Variants in MTHFD1L observed in about 807,000 individuals in gnomAD.
The protein encoded by MTHFD1L is methylenetetrahydrofolate dehydrogenase (NADP+ dependent) 1 like.
MTHFD1L carries 81 observed loss-of-function variants against 119.5 expected under a neutral mutation model. The ratio of observed to expected loss-of-function variants is 0.68; its 90% CI spans 0.57 to 0.82. The LOEUF is 0.82. Among genes scored for constraint, MTHFD1L ranks in the 40% least tolerant of loss-of-function variants. The probability of loss-of-function intolerance (pLI) is 0.00; values close to 1 mark genes in which losing one functional copy is unlikely to be tolerated. For synonymous variants in MTHFD1L, 430 were observed against 475.2 expected (o/e 0.90, Z 1.24); for missense variants, 1,125 against 1,253.4 (o/e 0.90, Z 1.55).
At chr6:151,032,609 G>C (rs1019290926) in intron 24 of MTHFD1L, among the ~76,000 whole-genome samples, 1 of 152,182 alleles carries the variant, frequency 6.6e-6, no homozygotes, top group Non-Finnish European at 1.5e-5. Context: ...AATTGGCCAA[G>C]TAACCAAAAA....
At chr6:150,918,445 C>T (rs1788365601) in intron 8 of MTHFD1L, 132 bp from the exon 9 acceptor site, 2 of 689,352 alleles carry the variant, frequency 2.9e-6, no homozygotes, top group South Asian at 3.5e-5. Flanking sequence ...CAGTCTGCAG[C>T]CGTGCCCCGA....
chr6:151,023,237 G>A (rs1476255563), intron 24 of MTHFD1L, among the ~76,000 whole-genome samples: 1 of 152,028 alleles, frequency 6.6e-6, no homozygotes, highest in African/African-American at 2.4e-5. Context: ...AGTAAAGGCA[G>A]AGTTTCACCA....
intron 20 of MTHFD1L, among the ~76,000 whole-genome samples, chr6:151,000,888 T>TA (rs1388699985): frequency 6.6e-6 from 1 of 152,274 alleles, no homozygotes; most frequent in Non-Finnish European, 1.5e-5. Context: ...CTGTCCAGCA[T>TA]ACACCTTGCT....
At chr6:150,917,889 A>G (rs535789685) in intron 8 of MTHFD1L, among the ~76,000 whole-genome samples, 6 of 152,226 alleles carry the variant, frequency 3.9e-5, no homozygotes, top group African/African-American at 1.4e-4. Flanking sequence ...TTGAGCTATT[A>G]TTTCTATCTC....
chr6:151,033,389 G>T (rs944484986), intron 24 of MTHFD1L, among the ~76,000 whole-genome samples: 1 of 152,030 alleles, frequency 6.6e-6, no homozygotes, highest in Non-Finnish European at 1.5e-5. Flanking sequence ...CAAAGTGCTG[G>T]GATTACAGGT....
chr6:150,897,444 T>C (rs759803945), intron 7 of MTHFD1L, among the ~76,000 whole-genome samples: 7 of 152,228 alleles, frequency 4.6e-5, no homozygotes, highest in Non-Finnish European at 1.0e-4. Flanking sequence ...GGTCATGGGA[T>C]TGCGAAGCCA....
Position 150,865,808 on chromosome 6 carries a change from C to T in MTHFD1L, c.-15C>T. 1 of 1,293,238 alleles carries T rather than the reference C, an allele frequency of 7.7e-7. No individual in the cohort carries two copies. The highest frequency in any genetic ancestry group is 1.7e-5 in the South Asian group (1 of 58,530). The allele number at this position is 1,293,238 out of a possible 1,614,324, so 80.1% of individuals were successfully genotyped here. ...CCGCAGCTCCGTGTCCCCTGAGAACCAGCCGTCCCGCGCCATGGGCACGCG... is the reference window on the plus strand; with the variant it reads ...CCGCAGCTCCGTGTCCCCTGAGAACTAGCCGTCCCGCGCCATGGGCACGCG... On this transcript the variant is annotated 5_prime_UTR_variant, in exon 1 of 28. Transcript: ENST00000367321.
rs150951524 is a variant in MTHFD1L, at chr6:151,069,957, G to C, written c.2848-22510G>C. Among the ~76,000 whole-genome samples, 141 of 152,292 alleles carry C rather than the reference G, an allele frequency of 9.3e-4. No homozygotes were observed. The Middle Eastern group carries it at 0.017, about 18-fold the overall frequency. ...GTCGATGAGTACATGCTGCTTTTAT[G>C]TTGACGCAGAGGACCTGTGTTGACT... On this transcript the variant is annotated intron_variant, in intron 26 of 27. Transcript: ENST00000367321.
intron 26 of MTHFD1L, among the ~76,000 whole-genome samples, chr6:151,077,240 T>G (rs1792611836): frequency 6.6e-6 from 1 of 152,088 alleles, no homozygotes; most frequent in Non-Finnish European, 1.5e-5. Flanking sequence ...CACTTCATCA[T>G]AATAGTAAAA....
At chr6:150,905,617 A>T in intron 7 of MTHFD1L, 33 bp from the exon 8 acceptor site, 1 of 1,509,942 alleles carries the variant, frequency 6.6e-7, no homozygotes, top group Non-Finnish European at 9.2e-7. Flanking sequence ...GCCTCAGATC[A>T]AGATGTGCGT....
chr6:151,004,023 AAAAAG>A (rs1438899367), intron 20 of MTHFD1L, among the ~76,000 whole-genome samples: 10 of 148,028 alleles, frequency 6.8e-5, no homozygotes, highest in African/African-American at 2.4e-4. Context: ...AAAAAAAAAA[AAAAAG>A]AGAGAGAGAG....
chr6:150,968,656 C>T (rs867212023), intron 19 of MTHFD1L, among the ~76,000 whole-genome samples: 34 of 151,366 alleles, frequency 2.2e-4, no homozygotes, highest in African/African-American at 8.3e-4. Context: ...ATTATAGGCG[C>T]CTGCCACCAC....
In MTHFD1L at chr6:151,009,289, C is replaced by T. The variant is rs534833480; in HGVS notation, c.2126-530C>T. On this transcript the variant is annotated intron_variant, in intron 20 of 27. Coordinates refer to ENST00000367321, the MANE Select transcript of MTHFD1L (RefSeq NM_015440.5). ...TGGCTCAACGCCTGTAATCCCAGCA[C>T]TTTGTGAGGCTGAGGCGGGTGGATC... Among the ~76,000 whole-genome samples the T allele has an allele frequency of 3.7e-3, 562 of 152,228 alleles. 5 individuals carry two copies. The highest frequency in any genetic ancestry group is 0.013 in the African/African-American group (534 of 41,536).
chr6:151,087,289 ATAAATAAT>A, intron 26 of MTHFD1L, among the ~76,000 whole-genome samples: 1 of 148,432 alleles, frequency 6.7e-6, no homozygotes, highest in East Asian at 2.0e-4. Flanking sequence ...AAATAAATAA[ATAAATAAT>A]AAAATTGTGA....
chr6:150,973,895 C>T (rs1382746767), intron 20 of MTHFD1L, among the ~76,000 whole-genome samples: 1 of 152,050 alleles, frequency 6.6e-6, no homozygotes, highest in African/African-American at 2.4e-5. Flanking sequence ...CTCTAGGGCT[C>T]AATTTTTTAT....
At chr6:151,084,986 T>TAA (rs1793630034) in intron 26 of MTHFD1L, among the ~76,000 whole-genome samples, 1 of 98,030 alleles carries the variant, frequency 1.0e-5, no homozygotes, top group Non-Finnish European at 1.9e-5. Flanking sequence ...AAAAAAAAAA[T>TAA]ATATATATAT....
At chr6:151,069,741 C>T (rs1003808211) in intron 26 of MTHFD1L, among the ~76,000 whole-genome samples, 2 of 152,112 alleles carry the variant, frequency 1.3e-5, no homozygotes, top group African/African-American at 2.4e-5. Context: ...CAGAGCTCAG[C>T]GGTGCCTTTG....
At chr6:151,019,891 G>A (rs987163883) in intron 24 of MTHFD1L, among the ~76,000 whole-genome samples, 4 of 152,304 alleles carry the variant, frequency 2.6e-5, no homozygotes, top group Admixed American at 6.5e-5. Flanking sequence ...ATTGATTGGT[G>A]CTGGTAAAAC....
At chr6:150,981,201 C>T (rs930061343) in intron 20 of MTHFD1L, among the ~76,000 whole-genome samples, 4 of 152,132 alleles carry the variant, frequency 2.6e-5, no homozygotes, top group South Asian at 4.1e-4. Flanking sequence ...AGTTGACACC[C>T]GCACCTCATT....
Sources: allele counts gnomAD v4.1 joint callset (sites outside exome capture counted in the v4.1 genomes callset), GRCh38; gene constraint gnomAD v4.1.1; transcripts MANE v1.5; gene names NCBI Gene and HGNC (gene_info 2026-07-23, HGNC 2026-07-21).